INPP4B: variants seen among roughly 807,000 people sequenced by gnomAD.
INPP4B encodes inositol polyphosphate 4-phosphatase type II.
A neutral mutation model predicts 122.5 loss-of-function variants in INPP4B; 55 were observed. The ratio of observed to expected loss-of-function variants is 0.45; its 90% CI spans 0.36 to 0.56. INPP4B has a LOEUF of 0.56. INPP4B is among the 20% of genes least tolerant of loss of function. The pLI is 0.00. For missense variants in INPP4B, 1,000 were observed against 1,097.7 expected (o/e 0.91, Z 1.26); for synonymous variants, 403 against 388.7 (o/e 1.04, Z -0.43).
chr4:142,545,202 G>A (rs970804212), intron 2 of INPP4B, among the ~76,000 whole-genome samples: 2 of 152,170 alleles, frequency 1.3e-5, no homozygotes, highest in Admixed American at 6.5e-5. Flanking sequence ...AAGACACAAT[G>A]AGGCAAAGAT....
chr4:142,210,738 A>G (rs1844527037), intron 12 of INPP4B, among the ~76,000 whole-genome samples: 1 of 152,274 alleles, frequency 6.6e-6, no homozygotes, highest in African/African-American at 2.4e-5. Context: ...AACAATTTTT[A>G]TTTAGTACTA....
intron 2 of INPP4B, among the ~76,000 whole-genome samples, chr4:142,642,850 A>G (rs1410546837): frequency 2.0e-5 from 3 of 152,146 alleles, no homozygotes; most frequent in African/African-American, 7.2e-5. Flanking sequence ...TCTATAAATT[A>G]CCTTGGGCAG....
intron 2 of INPP4B, among the ~76,000 whole-genome samples, chr4:142,503,668 CAAG>C (rs1355343600): frequency 2.0e-5 from 3 of 151,914 alleles, no homozygotes; most frequent in African/African-American, 4.8e-5. Flanking sequence ...CTGGGATTTA[CAAG>C]AAGAATAGGT....
rs1466437565 is a variant in INPP4B at position 142,633,738 on chromosome 4, G to T, written c.-191+92101C>A. ...ATTATACAGGAGAAAACACATTAGA[G>T]AATATCAAAAAGGTAAAATGACACA... On this transcript the variant is annotated intron_variant, in intron 2 of 25. Coordinates refer to ENST00000262992, the MANE Select transcript of INPP4B (RefSeq NM_001101669.3). Among the ~76,000 whole-genome samples the T allele has an allele frequency of 3.3e-5, 5 of 151,842 alleles. No individual in the cohort carries two copies. The East Asian group carries it at 9.6e-4, about 29-fold the overall frequency.
intron 11 of INPP4B, among the ~76,000 whole-genome samples, chr4:142,252,655 A>G (rs1268572939): frequency 1.3e-5 from 2 of 152,214 alleles, no homozygotes. Context: ...AAATGCAAAC[A>G]TATTATGTGA....
intron 2 of INPP4B, among the ~76,000 whole-genome samples, chr4:142,514,961 A>C (rs1033599337): frequency 6.0e-5 from 9 of 151,030 alleles, no homozygotes; most frequent in African/African-American, 2.0e-4. Context: ...ATGCCTGGCT[A>C]ATTTTTGTGT....
chr4:142,453,117 A>G (rs1387434291), intron 3 of INPP4B, among the ~76,000 whole-genome samples: 1 of 152,190 alleles, frequency 6.6e-6, no homozygotes, highest in Non-Finnish European at 1.5e-5. Context: ...CTATCTCAGG[A>G]AGCAGAAATA....
At chr4:142,611,758 T>C (rs1742592004) in intron 2 of INPP4B, among the ~76,000 whole-genome samples, 1 of 146,178 alleles carries the variant, frequency 6.8e-6, no homozygotes, top group South Asian at 2.2e-4. Flanking sequence ...AAGCTCTGCC[T>C]CTGAGGTTCA....
intron 11 of INPP4B, among the ~76,000 whole-genome samples, chr4:142,238,666 C>T (rs1325342752): frequency 6.6e-6 from 1 of 152,012 alleles, no homozygotes; most frequent in Non-Finnish European, 1.5e-5. Context: ...TTATCAGAAG[C>T]AAGGCAGAGA....
intron 16 of INPP4B, among the ~76,000 whole-genome samples, chr4:142,165,408 CCA>C (rs1010934930): frequency 6.6e-6 from 1 of 151,730 alleles, no homozygotes; most frequent in South Asian, 2.1e-4. Context: ...GGGATACTTT[CCA>C]CAGTCTCTTT....
chr4:142,124,865 A>G (rs1309636591), intron 18 of INPP4B, 105 bp from the exon 19 acceptor site: 2 of 849,922 alleles, frequency 2.4e-6, no homozygotes, highest in Non-Finnish European at 3.4e-6. Context: ...TAAGTTAGAC[A>G]TATTCTTAAG....
intron 1 of INPP4B, among the ~76,000 whole-genome samples, chr4:142,818,989 G>A (rs1780477440): frequency 6.6e-6 from 1 of 152,162 alleles, no homozygotes; most frequent in African/African-American, 2.4e-5. Flanking sequence ...AGCACCAAAA[G>A]AGCAGTTGGC....
At chr4:142,227,237 C>G (rs550045357) in intron 12 of INPP4B, among the ~76,000 whole-genome samples, 1 of 152,080 alleles carries the variant, frequency 6.6e-6, no homozygotes, top group Non-Finnish European at 1.5e-5. Context: ...TCTGGAGACA[C>G]AGAAGGCATA....
chr4:142,377,448 G>A (rs1263066331), intron 7 of INPP4B, among the ~76,000 whole-genome samples: 2 of 151,988 alleles, frequency 1.3e-5, no homozygotes, highest in Non-Finnish European at 2.9e-5. Context: ...ACTGGATGAC[G>A]ACTCAGAGTC....
intron 2 of INPP4B, among the ~76,000 whole-genome samples, chr4:142,610,138 A>AG (rs923683742): frequency 5.9e-5 from 9 of 152,186 alleles, no homozygotes; most frequent in African/African-American, 2.2e-4. Flanking sequence ...TAATTGAATC[A>AG]GGGGGGCAGT....
intron 7 of INPP4B, among the ~76,000 whole-genome samples, chr4:142,341,982 T>A (rs1778850362): frequency 6.6e-6 from 1 of 152,156 alleles, no homozygotes; most frequent in African/African-American, 2.4e-5. Context: ...CTTGTGAGAC[T>A]CTGGGCAGAG....
intron 1 of INPP4B, among the ~76,000 whole-genome samples, chr4:142,797,990 T>C (rs1026477012): frequency 2.6e-5 from 4 of 151,858 alleles, no homozygotes; most frequent in African/African-American, 4.8e-5. Context: ...ATATCACTTA[T>C]GCAGAAAGCC....
chr4:142,369,601 AAT>A, intron 7 of INPP4B, among the ~76,000 whole-genome samples: 1 of 148,912 alleles, frequency 6.7e-6, no homozygotes. Flanking sequence ...TAAATAAATA[AAT>A]AAATAAATAA....
At chr4:142,133,318 A>G (rs78699739) in intron 18 of INPP4B, among the ~76,000 whole-genome samples, 3,820 of 152,238 alleles carry the variant, frequency 0.025, 81 homozygotes, top group East Asian at 0.08. Flanking sequence ...CTATTCTTAT[A>G]TGTAACTGCA....
Sources: gnomAD v4.1 joint callset for allele counts (sites outside exome capture counted in the v4.1 genomes callset) on GRCh38, gnomAD v4.1.1 for gene constraint, MANE v1.5 for transcripts, NCBI Gene and HGNC (gene_info 2026-07-23, HGNC 2026-07-21) for gene names.